SEPTIN3: variants seen among roughly 807,000 people sequenced by gnomAD.
SEPTIN3 encodes the protein neuronal-specific septin-3.
Under a neutral mutation model 45.1 loss-of-function variants are expected in SEPTIN3, and 15 were observed. The ratio of observed to expected loss-of-function variants is 0.33; its 90% CI spans 0.22 to 0.51. SEPTIN3 has a LOEUF of 0.51. SEPTIN3 is among the 20% of genes least tolerant of loss of function. The pLI, the probability that SEPTIN3 is intolerant of heterozygous loss-of-function variation, is 0.97. For synonymous variants in SEPTIN3, 148 were observed against 164.8 expected (o/e 0.90, Z 0.78); for missense variants, 289 against 457.2 (o/e 0.63, Z 3.35).
rs540126835 is a variant in SEPTIN3 at position 41,984,743 on chromosome 22, G to A, written c.1697-1241G>A. Among the ~76,000 whole-genome samples the A allele has an allele frequency of 2.0e-5, 3 of 152,000 alleles. 1 individual carries two copies. The South Asian group carries it at 6.2e-4, about 32-fold the overall frequency. ...AGGGTTTCACCATGTTGGCCAGGCT[G>A]GTCTCGAACTCCTGGCCTCAAGTGA... On this transcript the variant is annotated intron_variant, in intron 3 of 11. Coordinates refer to ENST00000644076, the MANE Select transcript of SEPTIN3 (RefSeq NM_001363845.2).
At chr22:41,987,934 C>T (rs912409655) in intron 6 of SEPTIN3, among the ~76,000 whole-genome samples, 175 bp downstream of exon 6, 1 of 152,130 alleles carries the variant, frequency 6.6e-6, no homozygotes, top group Non-Finnish European at 1.5e-5. Context: ...ATTCCCTAGA[C>T]TTTCCACGAG....
At position 41,986,120 on chromosome 22, in the gene SEPTIN3, C is replaced by A; in HGVS notation, c.1825+8C>A. 1 of 1,611,740 alleles carries A rather than the reference C, an allele frequency of 6.2e-7. No individual in the cohort carries two copies. The highest frequency in any genetic ancestry group is 1.1e-5 in the South Asian group (1 of 90,928). On this transcript the variant is annotated splice_region_variant and intron_variant, in intron 4 of 11. Coordinates refer to ENST00000644076, the MANE Select transcript of SEPTIN3 (RefSeq NM_001363845.2). Reference sequence around the variant, plus strand: ...TCAAAGCTATCGGGCATGGTGAGGACCAGGCAGGGACCCCTATGGGCTTTG... The same window carrying A: ...TCAAAGCTATCGGGCATGGTGAGGAACAGGCAGGGACCCCTATGGGCTTTG...
chr22:41,997,699 G>A lies in SEPTIN3; in HGVS notation c.*732G>A, dbSNP rs1257228267. On this transcript the variant is annotated 3_prime_UTR_variant, in exon 12 of 12. Coordinates refer to ENST00000644076, the MANE Select transcript of SEPTIN3 (RefSeq NM_001363845.2). ...AAACCCACAATATGTACACGCTAAGGAAAAACTAGCACCCTTCTGTCCACT... is the reference window on the plus strand; with the variant it reads ...AAACCCACAATATGTACACGCTAAGAAAAAACTAGCACCCTTCTGTCCACT... 2 of 152,480 alleles carry A rather than the reference G, an allele frequency of 1.3e-5. No individual in the cohort carries two copies. Among genetic ancestry groups the A allele is most frequent in the Non-Finnish European group, 2.9e-5 (2 of 68,036 alleles). The allele number at this position is 152,480 out of a possible 1,614,324, so 9.4% of individuals were successfully genotyped here.
rs759725509 is a variant in SEPTIN3 at position 41,996,983 on chromosome 22, C to T, written c.*16C>T. On this transcript the variant is annotated 3_prime_UTR_variant, in exon 12 of 12. Coordinates refer to ENST00000644076, the MANE Select transcript of SEPTIN3 (RefSeq NM_001363845.2). ...TGCTGAATGAAGGCCATTTCAAGCG[C>T]TGCTTCTCACTCCATTCCTCTCAGC... 14 of 1,613,852 alleles carry T rather than the reference C, an allele frequency of 8.7e-6. No homozygotes were observed. The highest frequency in any genetic ancestry group is 1.3e-5 in the African/African-American group (1 of 74,916).
At position 41,972,156 on chromosome 22, in the gene SEPTIN3, G is replaced by A; in HGVS notation, c.664G>A (p.Asp222Asn). 2.5e-6 allele frequency: 1 copy of A among 399,094 alleles called. No individual in the cohort carries two copies. Among genetic ancestry groups the A allele is most frequent in the Non-Finnish European group, 4.4e-6 (1 of 226,164 alleles). 24.7% of individuals were successfully genotyped at this position (399,094 alleles called of 1,614,324 possible). A position where few individuals can be genotyped will look rare whatever the true frequency, so the allele number is the denominator to read the frequency against. Residue 222 changes from aspartate (D) to asparagine (N), a missense_variant, in exon 2 of 12, where the codon GAC (aspartate) becomes AAC (asparagine). This residue lies in a region of SEPTIN3 where 200 missense variants were observed against 315.1 expected (regional missense o/e 0.63). Transcript: ENST00000644076. The part of the protein sequence containing the change: ...LGQGHLVSVT[D>N]HMPTRASPGK... ...CCAGGGGCACCTTGTCTCAGTGACT[G>A]ACCACATGCCTACCAGAGCTTCTCC... is the stretch of plus-strand genomic sequence containing the variant.
chr22:41,979,859 C>T (rs1161743694), intron 2 of SEPTIN3, among the ~76,000 whole-genome samples: 1 of 152,088 alleles, frequency 6.6e-6, no homozygotes, highest in Non-Finnish European at 1.5e-5. Context: ...ACTTCTGTCC[C>T]CTCTCCCTCC....
chr22:41,982,101 T>G, intron 3 of SEPTIN3: 1 of 470,196 alleles, frequency 2.1e-6, no homozygotes, highest in Non-Finnish European at 3.8e-6. Context: ...ACTCTGATCC[T>G]GCTTTTGGGT....
Position 41,974,860 on chromosome 22 carries a change from G to GAAAAAAAA in SEPTIN3, c.1504+1885_1504+1892dup, listed in dbSNP as rs55642127. ...ACAGAGCGAGACTCTGTCTCAAAAA[G>GAAAAAAAA]AAAAAAAAAAAAAAAAAAAAAAAAA... On this transcript the variant is annotated intron_variant, in intron 2 of 11. Transcript: ENST00000644076. 1.1e-4 allele frequency among the ~76,000 whole-genome samples: 8 copies of GAAAAAAAA among 74,298 alleles called. 1 individual carries two copies. The highest frequency in any genetic ancestry group is 4.1e-4 in the African/African-American group (8 of 19,598). The allele number at this position is 74,298 out of a possible 152,430, so 48.7% of individuals were successfully genotyped here.
intron 8 of SEPTIN3, among the ~76,000 whole-genome samples, chr22:41,992,179 G>A (rs958380496): frequency 2.6e-5 from 4 of 152,134 alleles, no homozygotes; most frequent in African/African-American, 9.7e-5. Flanking sequence ...AGGAGTTCAC[G>A]ACCAGCCTGG....
chr22:41,995,674 C>G (rs1410430645), intron 11 of SEPTIN3: 1 of 985,310 alleles, frequency 1.0e-6, no homozygotes, highest in African/African-American at 1.7e-5. Context: ...AATCACAAAA[C>G]TACAGGACAG....
At chr22:41,990,052 TG>T (rs373204216) in intron 7 of SEPTIN3, among the ~76,000 whole-genome samples, 42,237 of 148,690 alleles carry the variant, frequency 0.28, 6,324 homozygotes, top group Admixed American at 0.34. Context: ...ATCTTCTCTT[TG>T]TTTTTTTTTT....
chr22:41,970,038 T>C (rs569064759), intron 1 of SEPTIN3, among the ~76,000 whole-genome samples: 60 of 151,986 alleles, frequency 3.9e-4, no homozygotes, highest in African/African-American at 1.4e-3. Context: ...GGGGCACCAT[T>C]GTGAGGGGTG....
chr22:41,979,646 G>A (rs564024031), intron 2 of SEPTIN3, among the ~76,000 whole-genome samples: 2 of 152,364 alleles, frequency 1.3e-5, no homozygotes, highest in African/African-American at 4.8e-5. Context: ...GCCTGGCTGG[G>A]AACAGCTTCC....
In SEPTIN3 at chr22:41,986,054, C is replaced by T; in HGVS notation, c.1767C>T (p.Ser589=). 6.2e-7 allele frequency: 1 copy of T among 1,613,862 alleles called. No homozygotes were observed. Among genetic ancestry groups the T allele is most frequent in the Non-Finnish European group, 8.5e-7 (1 of 1,179,874 alleles). ...AATCCCAAGTGAGCCGCAAGGCCTCCAGCTGGAACCGGGAGGAGAAGATCC... is the reference window on the plus strand; with the variant it reads ...AATCCCAAGTGAGCCGCAAGGCCTCTAGCTGGAACCGGGAGGAGAAGATCC... ...LFKSQVSRKA[S]SWNREEKIPK... Residue 589 remains serine (S), a synonymous_variant, in exon 4 of 12, where the codon TCC becomes TCT. Transcript: ENST00000644076.
chr22:41,980,224 G>A (rs1356867750), intron 2 of SEPTIN3, among the ~76,000 whole-genome samples: 2 of 133,128 alleles, frequency 1.5e-5, no homozygotes, highest in Admixed American at 1.7e-4. Context: ...CTGCAACTCC[G>A]CCTTCCGATT....
At chr22:41,991,482 C>G in intron 7 of SEPTIN3, 91 bp from the exon 8 acceptor site, 1 of 908,904 alleles carries the variant, frequency 1.1e-6, no homozygotes, top group Non-Finnish European at 1.8e-6. Flanking sequence ...GGATTTGGCT[C>G]TCTGACCTCA....
chr22:41,987,045 C>T (rs2146703275), intron 4 of SEPTIN3, among the ~76,000 whole-genome samples, 161 bp from the exon 5 acceptor site: 1 of 152,172 alleles, frequency 6.6e-6, no homozygotes, highest in African/African-American at 2.4e-5. Flanking sequence ...GTACAGGGAA[C>T]AGCATAAGCC....
At chr22:41,990,874 G>A (rs2078303543) in intron 7 of SEPTIN3, among the ~76,000 whole-genome samples, 1 of 151,754 alleles carries the variant, frequency 6.6e-6, no homozygotes, top group East Asian at 1.9e-4. Flanking sequence ...GACCAGCCTG[G>A]CCAACATGGT....
rs1293845110 is a variant in SEPTIN3, at chr22:41,981,650, C to T, written c.1510C>T (p.Pro504Ser). Reference sequence around the variant, plus strand: ...CTCCCACCTTGGCTCTGCAGGGCTCCCAGAGACCAGGACGGACGCAGCCAT... The same window carrying T: ...CTCCCACCTTGGCTCTGCAGGGCTCTCAGAGACCAGGACGGACGCAGCCAT... ...LDLATEYKGLPETRTDAAMSE... is the reference protein window; with the variant it reads ...LDLATEYKGLSETRTDAAMSE... Residue 504 changes from proline to serine, a missense_variant, in exon 3 of 12, where the codon CCA becomes TCA. Transcript: ENST00000644076. 4 of 1,611,560 alleles carry T rather than the reference C, an allele frequency of 2.5e-6. No homozygotes were observed. Among genetic ancestry groups the T allele is most frequent in the Admixed American group, 3.3e-5 (2 of 59,956 alleles).
Sources: allele counts gnomAD v4.1 joint callset (sites outside exome capture counted in the v4.1 genomes callset), GRCh38; gene constraint gnomAD v4.1.1; regional missense constraint gnomAD v4.1.1; transcripts MANE v1.5; gene names NCBI Gene and HGNC (gene_info 2026-07-23, HGNC 2026-07-21).